Variants in PCDHA8 observed in about 807,000 individuals in gnomAD.
The protein encoded by PCDHA8 is protocadherin alpha 8.
A neutral mutation model predicts 61.8 loss-of-function variants in PCDHA8; 53 were observed. That is an observed-to-expected ratio of 0.86 (90% CI 0.69 to 1.08). The LOEUF is 1.08. Ranked by LOEUF, PCDHA8 falls within the 50% of genes least tolerant of loss-of-function variation. The pLI, the probability that PCDHA8 is intolerant of heterozygous loss-of-function variation, is 0.00. For synonymous variants in PCDHA8, 618 were observed against 556.6 expected (o/e 1.11, Z -1.55); for missense variants, 1,293 against 1,245.0 (o/e 1.04, Z -0.58).
intron 1 of PCDHA8, among the ~76,000 whole-genome samples, chr5:140,944,151 A>G (rs2093615419): frequency 6.6e-6 from 1 of 152,070 alleles, no homozygotes; most frequent in African/African-American, 2.4e-5. Flanking sequence ...GAAGAGTTGA[A>G]AATTAAAGGG....
At chr5:140,857,146 C>T (rs1554149571) in intron 1 of PCDHA8, 3 of 1,598,132 alleles carry the variant, frequency 1.9e-6, no homozygotes, top group East Asian at 2.2e-5. Flanking sequence ...AAGTGGGCAC[C>T]GTCATTGCCC....
intron 1 of PCDHA8, among the ~76,000 whole-genome samples, chr5:140,890,392 T>C (rs2062624449): frequency 6.6e-6 from 1 of 152,212 alleles, no homozygotes; most frequent in Admixed American, 6.5e-5. Flanking sequence ...TTAGATAATC[T>C]ATAAATTTTA....
intron 1 of PCDHA8, among the ~76,000 whole-genome samples, chr5:140,906,614 TTTG>T (rs1448753363): frequency 6.6e-6 from 1 of 152,208 alleles, no homozygotes; most frequent in Non-Finnish European, 1.5e-5. Flanking sequence ...CTGTATTCCC[TTTG>T]CCTTCAGCAA....
intron 1 of PCDHA8, among the ~76,000 whole-genome samples, chr5:140,907,719 C>A (rs2153502555): frequency 1.3e-5 from 2 of 152,330 alleles, no homozygotes; most frequent in South Asian, 4.1e-4. Flanking sequence ...CCATGTGTAA[C>A]CTCCATCCCT....
Position 140,841,224 on chromosome 5 carries a change from A to G in PCDHA8, c.-98A>G. ...AGCATCTGTCTCTAAAGGCCGAACA[A>G]CGGGAGATGCAGCGGAATTGGATTA... is the stretch of plus-strand genomic sequence containing the variant. On this transcript the variant is annotated 5_prime_UTR_variant, in exon 1 of 4. Transcript: ENST00000531613. 6.9e-7 allele frequency: 1 copy of G among 1,450,532 alleles called. No individual in the cohort carries two copies. The highest frequency in any genetic ancestry group is 1.4e-5 in the South Asian group (1 of 71,844). 89.9% of individuals were successfully genotyped at this position (1,450,532 alleles called of 1,614,324 possible).
At position 140,849,588 on chromosome 5, in the gene PCDHA8, C is replaced by G. The variant is rs2150441639; in HGVS notation, c.2394+5873C>G. ...GGTTCCTGTAAAAGAGGACGCACAA[C>G]TGGGGACAGTTATTGCCCTGATTAG... On this transcript the variant is annotated intron_variant, in intron 1 of 3. Coordinates refer to ENST00000531613, the MANE Select transcript of PCDHA8 (RefSeq NM_018911.3). 8 of 1,598,790 alleles carry G rather than the reference C, an allele frequency of 5.0e-6. 1 individual carries two copies. Among genetic ancestry groups the G allele is most frequent in the East Asian group, 4.5e-5 (2 of 44,856 alleles).
chr5:140,962,245 T>C (rs2095666561), intron 1 of PCDHA8, among the ~76,000 whole-genome samples: 1 of 152,170 alleles, frequency 6.6e-6, no homozygotes, highest in Non-Finnish European at 1.5e-5. Context: ...ACCATTTTCT[T>C]CAATGAAAAA....
At chr5:141,009,528 G>A in intron 3 of PCDHA8, 99 bp from the exon 4 acceptor site, 4 of 1,508,216 alleles carry the variant, frequency 2.7e-6, no homozygotes, top group Non-Finnish European at 3.5e-6. Flanking sequence ...TTCTGGGGAG[G>A]TTCAGCCTGC....
At chr5:140,871,636 T>C in intron 1 of PCDHA8, 1 of 1,364,788 alleles carries the variant, frequency 7.3e-7, no homozygotes, top group Non-Finnish European at 9.8e-7. Flanking sequence ...TGTCTGTTCA[T>C]AAAATACCAA....
Position 140,877,064 on chromosome 5 carries a change from T to C in PCDHA8, c.2394+33349T>C, listed in dbSNP as rs2056824961. On this transcript the variant is annotated intron_variant, in intron 1 of 3. Coordinates refer to ENST00000531613, the MANE Select transcript of PCDHA8 (RefSeq NM_018911.3). ...CTAGACCACGAGGAGCTGGAGCTGC[T>C]GCAGTTCCAGGTGAGCGCGCGCGAC... is the stretch of plus-strand genomic sequence containing the variant. The C allele has an allele frequency of 6.2e-7, 1 of 1,612,896 alleles. No homozygotes were observed. Among genetic ancestry groups the C allele is most frequent in the Non-Finnish European group, 8.5e-7 (1 of 1,179,856 alleles).
chr5:140,852,903 G>A, intron 1 of PCDHA8: 1 of 833,182 alleles, frequency 1.2e-6, no homozygotes, highest in South Asian at 5.4e-5. Flanking sequence ...TTTTGAGTCA[G>A]AGTCTCGCTC....
chr5:140,870,480 C>T, intron 1 of PCDHA8: 1 of 1,614,236 alleles, frequency 6.2e-7, no homozygotes, highest in Non-Finnish European at 8.5e-7. Context: ...AGCCCGAGTA[C>T]ACCGTGTTCG....
intron 1 of PCDHA8, among the ~76,000 whole-genome samples, chr5:140,911,721 A>G (rs1442469379): frequency 6.6e-6 from 1 of 152,168 alleles, no homozygotes; most frequent in African/African-American, 2.4e-5. Context: ...GTAACTCTGT[A>G]AACAGTTCGT....
At chr5:140,983,931 G>A (rs1398681067) in intron 3 of PCDHA8, among the ~76,000 whole-genome samples, 1 of 152,190 alleles carries the variant, frequency 6.6e-6, no homozygotes, top group Non-Finnish European at 1.5e-5. Context: ...GCTATTTATG[G>A]ATGTTGCACA....
At chr5:140,941,255 C>CTTTT (rs782490896) in intron 1 of PCDHA8, among the ~76,000 whole-genome samples, 1 of 44,504 alleles carries the variant, frequency 2.2e-5, no homozygotes, top group Non-Finnish European at 5.1e-5. Flanking sequence ...TTCTTTCTTT[C>CTTTT]TCTTTCTTTC....
intron 3 of PCDHA8, among the ~76,000 whole-genome samples, chr5:140,985,740 T>C (rs992695405): frequency 1.9e-5 from 1 of 53,688 alleles, no homozygotes; most frequent in Admixed American, 1.9e-4. Context: ...GATGAATTCC[T>C]TTTTTTTTTT....
At chr5:140,967,405 G>A in intron 1 of PCDHA8, 1 of 1,612,164 alleles carries the variant, frequency 6.2e-7, no homozygotes, top group Non-Finnish European at 8.5e-7. Context: ...TGCTGCGTAA[G>A]GGCCTAGACC....
At chr5:141,003,510 A>C (rs1468305070) in intron 3 of PCDHA8, among the ~76,000 whole-genome samples, 1 of 152,070 alleles carries the variant, frequency 6.6e-6, no homozygotes, top group African/African-American at 2.4e-5. Context: ...ATGGGGTTTC[A>C]CCATGTTCCC....
rs2150316967 is a variant in PCDHA8, at chr5:140,841,513, C to G, written c.192C>G (p.Phe64Leu). The G allele has an allele frequency of 0.089, 142,793 of 1,613,040 alleles. 1,768 individuals are homozygous for G. Among genetic ancestry groups the G allele is most frequent in the Non-Finnish European group, 0.097 (113,939 of 1,179,704 alleles). The change falls in exon 1 of 4, where the codon TTC becomes TTG. Residue 64 changes from phenylalanine (F) to leucine (L), a missense_variant. Phe to Leu is a conservative substitution (Grantham distance 22, BLOSUM62 0). Coordinates refer to ENST00000531613, the MANE Select transcript of PCDHA8 (RefSeq NM_018911.3). ...LELAELVPRL[F>L]RVASKRHRDL... Reference sequence around the variant, plus strand: ...TGGCGGAGCTGGTGCCGCGCCTGTTCCGGGTGGCGTCCAAAAGACACCGGG... The same window carrying G: ...TGGCGGAGCTGGTGCCGCGCCTGTTGCGGGTGGCGTCCAAAAGACACCGGG...
Sources: allele counts gnomAD v4.1 joint callset (sites outside exome capture counted in the v4.1 genomes callset), GRCh38; gene constraint gnomAD v4.1.1; transcripts MANE v1.5; gene names NCBI Gene and HGNC (gene_info 2026-07-23, HGNC 2026-07-21).